ZNF790: variants seen among roughly 807,000 people sequenced by gnomAD.
ZNF790 encodes the protein zinc finger protein 790.
In ZNF790, 8 loss-of-function variants were observed where a neutral mutation model predicts 12.1. The observed-to-expected ratio is 0.66, with a 90% CI of 0.39 to 1.19. The LOEUF (loss-of-function observed/expected upper bound fraction) is 1.19. ZNF790 is among the 50% of genes most tolerant of loss of function. ZNF790 has a pLI of 0.01. For synonymous variants in ZNF790, 252 were observed against 244.3 expected, an observed-to-expected ratio of 1.03 and a Z score of -0.29; for missense variants, 707 against 752.2, an observed-to-expected ratio of 0.94 and a Z score of 0.70.
intron 1 of ZNF790, among the ~76,000 whole-genome samples, chr19:36,826,630 A>C (rs963051694): frequency 4.5e-4 from 60 of 134,328 alleles, no homozygotes; most frequent in Admixed American, 2.0e-3. Context: ...CTATAATTAT[A>C]TATATAATAA....
Position 36,819,271 on chromosome 19 carries a change from C to A in ZNF790, c.1073G>T (p.Arg358Ile), listed in dbSNP as rs201968129. The part of the protein sequence containing the change: ...TRGSHLTQHQ[R>I]IHTGEKSHEC... ...ATGAGATTTCTCACCAGTATGAATT[C>A]TCTGATGCTGAGTTAGGTGTGATCC... is the stretch of plus-strand genomic sequence containing the variant. The change falls in exon 5 of 5, where the codon AGA becomes ATA. Residue 358 changes from arginine (R) to isoleucine (I), a missense_variant. Physicochemically the swap from Arg to Ile is moderately conservative, Grantham distance 97. Transcript: ENST00000356725. The A allele has an allele frequency of 3.1e-6, 5 of 1,613,052 alleles. No individual in the cohort carries two copies. The highest frequency in any genetic ancestry group is 3.3e-5 in the Admixed American group (2 of 59,860).
rs769270489 is a variant in ZNF790 at position 36,818,821 on chromosome 19, C to T, written c.1523G>A (p.Cys508Tyr). The change falls in exon 5 of 5, where the codon TGT (cysteine) becomes TAT (tyrosine). Residue 508 changes from cysteine (C) to tyrosine (Y), a missense_variant. Physicochemically the swap from Cys to Tyr is radical, Grantham distance 194 (BLOSUM62 -2). Transcript: ENST00000356725. The part of the protein sequence containing the change: ...KIHTGKRPYE[C>Y]EECGKAFLWG... ...GAGAAAGGCTTTTCCACATTCTTCA[C>T]ATTCATATGGCCTCTTTCCAGTATG... 65 of 1,612,552 alleles carry T rather than the reference C, an allele frequency of 4.0e-5. No individual in the cohort carries two copies. In the South Asian group the frequency reaches 6.8e-4, roughly 17 times the overall value.
chr19:36,850,383 G>C (rs887251325), upstream of ZNF790: 1 of 152,300 alleles, frequency 6.6e-6, no homozygotes, highest in African/African-American at 2.4e-5. Context: ...GCTTGCCCCA[G>C]AGGACTTAAA....
intron 1 of ZNF790, among the ~76,000 whole-genome samples, chr19:36,831,095 C>T (rs570547292): frequency 4.6e-5 from 7 of 151,814 alleles, no homozygotes; most frequent in South Asian, 4.2e-4. Context: ...GCCAAGATCA[C>T]GCCACTGCAC....
chr19:36,850,343 G>A (rs1417009165), upstream of ZNF790: 1 of 152,310 alleles, frequency 6.6e-6, no homozygotes, highest in Non-Finnish European at 1.5e-5. Context: ...CCCGGGAGCC[G>A]CCCTCTGAGG....
chr19:36,821,367 T>C (rs538750335), intron 4 of ZNF790, among the ~76,000 whole-genome samples: 1 of 152,230 alleles, frequency 6.6e-6, no homozygotes, highest in South Asian at 2.1e-4. Context: ...GGAAAATTAC[T>C]GAGCTTGACT....
rs2071607834 is a variant in ZNF790 at position 36,819,110 on chromosome 19, G to A, written c.1234C>T (p.His412Tyr). Reference sequence around the variant, plus strand: ...TTCCTGCCAGTATGAATTCGCTGATGTCGAGCAAGGTGTGAGCTCCAAATA... The same window carrying A: ...TTCCTGCCAGTATGAATTCGCTGATATCGAGCAAGGTGTGAGCTCCAAATA... The part of the protein sequence containing the change: ...AYIWSSHLAR[H>Y]QRIHTGRKPY... Residue 412 changes from histidine to tyrosine, a missense_variant, in exon 5 of 5, where the codon CAT becomes TAT. His to Tyr is a moderately conservative substitution (Grantham distance 83). Coordinates refer to ENST00000356725, the MANE Select transcript of ZNF790 (RefSeq NM_206894.4). The A allele has an allele frequency of 6.2e-7, 1 of 1,613,414 alleles. No individual in the cohort carries two copies. Among genetic ancestry groups the A allele is most frequent in the African/African-American group, 1.3e-5 (1 of 74,886 alleles).
intron 2 of ZNF790, among the ~76,000 whole-genome samples, chr19:36,824,151 C>T (rs1342312739): frequency 2.6e-5 from 4 of 151,598 alleles, no homozygotes; most frequent in Admixed American, 6.6e-5. Context: ...CGCCCGCTAC[C>T]ACGCCCGGCA....
intron 1 of ZNF790, among the ~76,000 whole-genome samples, chr19:36,832,513 G>A (rs886153036): frequency 6.6e-6 from 1 of 152,134 alleles, no homozygotes; most frequent in African/African-American, 2.4e-5. Context: ...ACCCCATGGA[G>A]AGGTCTACAT....
intron 2 of ZNF790, among the ~76,000 whole-genome samples, chr19:36,824,158 G>A (rs185778343): frequency 2.6e-5 from 4 of 151,716 alleles, no homozygotes; most frequent in African/African-American, 4.8e-5. Flanking sequence ...TACCACGCCC[G>A]GCAAATTTTT....
At chr19:36,848,961 T>G (rs1315721213) in intron 1 of ZNF790, among the ~76,000 whole-genome samples, 1 of 152,098 alleles carries the variant, frequency 6.6e-6, no homozygotes, top group Admixed American at 6.5e-5. Context: ...GCCCAGCTAA[T>G]TTTGTATTTT....
At chr19:36,839,651 C>A (rs548272668), upstream of ZNF790, among the ~76,000 whole-genome samples, 43 of 152,264 alleles carry the variant, frequency 2.8e-4, no homozygotes, top group African/African-American at 1.0e-3. Flanking sequence ...GTAGGCCTCA[C>A]AAAGTACTGG....
intron 4 of ZNF790, among the ~76,000 whole-genome samples, chr19:36,822,254 G>C (rs745333420): frequency 5.9e-5 from 9 of 151,760 alleles, no homozygotes; most frequent in Non-Finnish European, 1.3e-4. Context: ...AAAGGGATGG[G>C]TAAAATAAAA....
chr19:36,843,611 A>G (rs1480187190), intron 1 of ZNF790, among the ~76,000 whole-genome samples: 1 of 152,186 alleles, frequency 6.6e-6, no homozygotes, highest in Non-Finnish European at 1.5e-5. Context: ...CTAAAGGAAG[A>G]TATTATCTGC....
intron 1 of ZNF790, among the ~76,000 whole-genome samples, chr19:36,827,139 CACATATAT>C (rs1426292833): frequency 3.8e-4 from 27 of 70,206 alleles, no homozygotes; most frequent in East Asian, 1.9e-3. Flanking sequence ...CACACACACA[CACATATAT>C]ATATATATAT....
chr19:36,849,526 T>C (rs984501247), intron 1 of ZNF790, among the ~76,000 whole-genome samples: 2 of 152,086 alleles, frequency 1.3e-5, no homozygotes, highest in African/African-American at 4.8e-5. Flanking sequence ...TTTAAACTAC[T>C]TGGAGTACTC....
At chr19:36,837,404 G>C (rs905110318) in intron 1 of ZNF790, among the ~76,000 whole-genome samples, 1 of 152,106 alleles carries the variant, frequency 6.6e-6, no homozygotes, top group African/African-American at 2.4e-5. Flanking sequence ...TCTGAAAATG[G>C]AACAGATGGC....
chr19:36,830,637 AG>A (rs1218239349), intron 1 of ZNF790, among the ~76,000 whole-genome samples: 1 of 152,224 alleles, frequency 6.6e-6, no homozygotes, highest in East Asian at 1.9e-4. Context: ...ATGGTAAAGA[AG>A]GCCTGGCTAT....
Position 36,819,869 on chromosome 19 carries a change from G to GATTAA in ZNF790, c.470_474dup (p.His160IlefsTer12), listed in dbSNP as rs1568333848. ...TCTCCTGTATTAAGTCTCTGGTGTA[G>GATTAA]ATTAAACACTGTATGCTGGTTAAAA... On this transcript the variant is annotated frameshift_variant, in exon 5 of 5. Coordinates refer to ENST00000356725, the MANE Select transcript of ZNF790 (RefSeq NM_206894.4). LOFTEE classifies it low-confidence loss of function (END_TRUNC). 1 of 1,614,170 alleles carries GATTAA rather than the reference G, an allele frequency of 6.2e-7. No homozygotes were observed. Among genetic ancestry groups the GATTAA allele is most frequent in the East Asian group, 2.2e-5 (1 of 44,878 alleles).
Sources: gnomAD v4.1 joint callset for allele counts (sites outside exome capture counted in the v4.1 genomes callset) on GRCh38, gnomAD v4.1.1 for gene constraint, MANE v1.5 for transcripts, NCBI Gene and HGNC (gene_info 2026-07-23, HGNC 2026-07-21) for gene names.